Variants in PPP2R2C observed in about 807,000 individuals in gnomAD.
PPP2R2C encodes protein phosphatase 2, regulatory subunit B, gamma.
A neutral mutation model predicts 45.3 loss-of-function variants in PPP2R2C; 10 were observed. That is an observed-to-expected ratio of 0.22 (90% confidence interval 0.14 to 0.37). The LOEUF (loss-of-function observed/expected upper bound fraction) is 0.37. PPP2R2C is among the 10% of genes least tolerant of loss of function. PPP2R2C has a pLI of 1.00. For missense variants in PPP2R2C, 308 were observed against 619.7 expected (o/e 0.50, Z 5.34); for synonymous variants, 257 against 245.4 (o/e 1.05, Z -0.44).
chr4:6,525,202 C>T (rs1003310497), intron 2 of PPP2R2C, among the ~76,000 whole-genome samples: 3 of 152,080 alleles, frequency 2.0e-5, no homozygotes, highest in Non-Finnish European at 2.9e-5. Flanking sequence ...GTCAGGAGTT[C>T]GAGGCCAGCC....
intron 2 of PPP2R2C, among the ~76,000 whole-genome samples, chr4:6,511,168 G>T (rs965720598): frequency 1.3e-5 from 2 of 152,164 alleles, no homozygotes; most frequent in Non-Finnish European, 2.9e-5. Flanking sequence ...AGTGTTACAT[G>T]AGAAAAACAC....
chr4:6,442,630 A>T (rs1212647704), intron 1 of PPP2R2C, among the ~76,000 whole-genome samples: 1 of 152,218 alleles, frequency 6.6e-6, no homozygotes, highest in African/African-American at 2.4e-5. Context: ...CTTCCTGCGT[A>T]CCAGGCACTC....
chr4:6,413,904 C>T (rs1255043678), intron 1 of PPP2R2C: 5 of 1,535,974 alleles, frequency 3.3e-6, no homozygotes, highest in African/African-American at 2.7e-5. Flanking sequence ...CCTGCTCACC[C>T]GTGTCTCTCT....
At position 6,472,209 on chromosome 4, in the gene PPP2R2C, C is replaced by A. The variant is rs980430254; in HGVS notation, c.21G>T (p.Thr7=). The A allele has an allele frequency of 6.2e-7, 1 of 1,613,126 alleles. No homozygotes were observed. The highest frequency in any genetic ancestry group is 1.3e-5 in the African/African-American group (1 of 74,894). The change falls in exon 1 of 9, where the codon ACG becomes ACT. Residue 7 remains threonine (T), a synonymous_variant. Transcript: ENST00000382599. MGEDTD[T]RKINHSFLRD... ...GCAGGAAGCTGTGGTTAATTTTCCG[C>A]GTGTCCGTGTCCTCGCCCATTGAAG...
rs1715513815 is a variant in PPP2R2C, at chr4:6,378,370, C to T, written c.334+37G>A. ...CAGCATTTGGTAGAAACATCTACGG[C>T]CTGTGCCCATGCAAGCGAGGCCGGG... On this transcript the variant is annotated intron_variant, in intron 3 of 8. Coordinates refer to ENST00000382599, the MANE Select transcript of PPP2R2C (RefSeq NM_020416.4). This position sits in a 1 kb window ranked among gnomAD's most constrained non-coding sequence, Gnocchi z 5.2. 6.2e-7 allele frequency: 1 copy of T among 1,613,652 alleles called. No individual in the cohort carries two copies. The highest frequency in any genetic ancestry group is 1.3e-5 in the African/African-American group (1 of 75,054).
upstream of PPP2R2C, among the ~76,000 whole-genome samples, chr4:6,473,811 T>C (rs551926371): frequency 2.0e-5 from 3 of 152,178 alleles, no homozygotes; most frequent in South Asian, 2.1e-4. Context: ...TTCTTGGAGA[T>C]TGAGAGGGAG....
At chr4:6,428,841 G>A (rs1478009267) in intron 1 of PPP2R2C, among the ~76,000 whole-genome samples, 1 of 152,246 alleles carries the variant, frequency 6.6e-6, no homozygotes, top group African/African-American at 2.4e-5. Context: ...CAAGCAGCTT[G>A]AAGTCACAAC....
At chr4:6,431,373 C>A (rs1004831600) in intron 1 of PPP2R2C, among the ~76,000 whole-genome samples, 6 of 152,214 alleles carry the variant, frequency 3.9e-5, no homozygotes, top group Admixed American at 6.5e-5. Context: ...ATGGAGGGGC[C>A]CTGCTCCCAG....
Position 6,533,681 on chromosome 4 carries a change from T to C in PPP2R2C, c.49+1590A>G, listed in dbSNP as rs143209637. On this transcript the variant is annotated intron_variant, in intron 2 of 9. Transcript: ENST00000506140. ...CAGACTTTAAGACTCTCTGAAGATGTTGTTTGTGCCTTAAGTAAGGGTAGA... is the reference window on the plus strand; with the variant it reads ...CAGACTTTAAGACTCTCTGAAGATGCTGTTTGTGCCTTAAGTAAGGGTAGA... Among the ~76,000 whole-genome samples the C allele has an allele frequency of 3.6e-3, 550 of 152,322 alleles. 6 individuals are homozygous for C. The highest frequency in any genetic ancestry group is 0.012 in the African/African-American group (510 of 41,558).
intron 5 of PPP2R2C, among the ~76,000 whole-genome samples, chr4:6,358,106 C>A (rs1340951017): frequency 6.6e-6 from 1 of 152,106 alleles, no homozygotes; most frequent in Non-Finnish European, 1.5e-5. Context: ...CTACAGTAAC[C>A]AAAACAGCAT....
At chr4:6,387,827 G>A (rs1716329560) in intron 1 of PPP2R2C, among the ~76,000 whole-genome samples, 1 of 150,262 alleles carries the variant, frequency 6.7e-6, no homozygotes, top group Non-Finnish European at 1.5e-5. Context: ...AAAGAGTGAA[G>A]GGCAAAATAA....
Position 6,350,856 on chromosome 4 carries a change from C to T in PPP2R2C, c.626-2846G>A, listed in dbSNP as rs115724494. 4.7e-4 allele frequency: 459 copies of T among 985,424 alleles called. 3 individuals carry two copies. The African/African-American group carries it at 7.4e-3, about 16-fold the overall frequency. The allele number at this position is 985,424 out of a possible 1,614,324, so 61.0% of individuals were successfully genotyped here. On this transcript the variant is annotated intron_variant, in intron 5 of 8. Transcript: ENST00000382599. The stretch of plus-strand genomic sequence containing the variant: ...CCAAAGCCAGCCTGTGACGGCCACA[C>T]TTGCAGCGTGAGTGGGAGGTGTGAA...
intron 1 of PPP2R2C, among the ~76,000 whole-genome samples, chr4:6,466,163 A>G (rs55807600): frequency 0.57 from 86,679 of 152,056 alleles, 26,108 homozygotes; most frequent in East Asian, 0.68. Context: ...TCCACTGTGC[A>G]TGGGGCTCAG....
chr4:6,472,386 G>A lies in PPP2R2C; in HGVS notation c.-157C>T. 3 of 939,456 alleles carry A rather than the reference G, an allele frequency of 3.2e-6. No homozygotes were observed. The highest frequency in any genetic ancestry group is 1.8e-5 in the African/African-American group (1 of 55,820). 58.2% of individuals were successfully genotyped at this position (939,456 alleles called of 1,614,324 possible). On this transcript the variant is annotated 5_prime_UTR_variant, in exon 1 of 9. Transcript: ENST00000382599. Reference sequence around the variant, plus strand: ...AGGGCATCGCGGCAGGGGGACGGGCGGGGGCGGCCGGGGGCGGGCGCCGCG... The same window carrying A: ...AGGGCATCGCGGCAGGGGGACGGGCAGGGGCGGCCGGGGGCGGGCGCCGCG...
chr4:6,396,144 G>A (rs542136611), intron 1 of PPP2R2C, among the ~76,000 whole-genome samples: 45 of 152,312 alleles, frequency 3.0e-4, no homozygotes, highest in African/African-American at 9.4e-4. Context: ...CACAACTCCC[G>A]AGGGTTGAAC....
intron 6 of PPP2R2C, among the ~76,000 whole-genome samples, chr4:6,336,393 C>G (rs1732850087): frequency 3.9e-5 from 6 of 152,068 alleles, no homozygotes; most frequent in Admixed American, 3.9e-4. Flanking sequence ...TGGGAGAGAA[C>G]AGGCTGCCAG....
In PPP2R2C at chr4:6,339,598, T is replaced by C. The variant is rs56346951; in HGVS notation, c.791-5867A>G. Among the ~76,000 whole-genome samples, 795 of 152,282 alleles carry C rather than the reference T, an allele frequency of 5.2e-3. 2 individuals are homozygous for C. The highest frequency in any genetic ancestry group is 7.7e-3 in the African/African-American group (319 of 41,554). ...CCTCTGGGGCTGGGGTGGAGGCCGA[T>C]TGGGTTCACACAGTAGAAATGCATG... is the stretch of plus-strand genomic sequence containing the variant. On this transcript the variant is annotated intron_variant, in intron 6 of 8. Transcript: ENST00000382599.
At chr4:6,393,858 C>G (rs551784287) in intron 1 of PPP2R2C, among the ~76,000 whole-genome samples, 11 of 152,354 alleles carry the variant, frequency 7.2e-5, no homozygotes, top group African/African-American at 2.6e-4. Flanking sequence ...TCTAGCCAGG[C>G]TGGACTGTGC....
intron 6 of PPP2R2C, among the ~76,000 whole-genome samples, chr4:6,340,678 C>T (rs1012551702): frequency 1.3e-5 from 2 of 152,236 alleles, no homozygotes; most frequent in African/African-American, 4.8e-5. Flanking sequence ...CCCCAGCCAG[C>T]CCCCACTTCT....
Sources: gnomAD v4.1 joint callset for allele counts (sites outside exome capture counted in the v4.1 genomes callset) on GRCh38, gnomAD v4.1.1 for gene constraint, Gnocchi (gnomAD v3.1) non-coding constraint, MANE v1.5 for transcripts, NCBI Gene and HGNC (gene_info 2026-07-23, HGNC 2026-07-21) for gene names.